CNTNAP5: variants seen among roughly 807,000 people sequenced by gnomAD.
CNTNAP5 encodes contactin associated protein family member 5.
Under a neutral mutation model 150.2 loss-of-function variants are expected in CNTNAP5, and 72 were observed. That is an observed-to-expected ratio of 0.48 (90% CI 0.40 to 0.58). CNTNAP5 has a LOEUF of 0.58. Ranked by LOEUF, CNTNAP5 falls within the 20% of genes least tolerant of loss-of-function variation. The pLI is 0.00. For synonymous variants in CNTNAP5, 672 were observed against 619.8 expected, an observed-to-expected ratio of 1.08 and a Z score of -1.25; for missense variants, 1,636 against 1,626.2, an observed-to-expected ratio of 1.01 and a Z score of -0.10.
intron 12 of CNTNAP5, among the ~76,000 whole-genome samples, chr2:124,617,697 T>A (rs1264291711): frequency 6.6e-6 from 1 of 152,152 alleles, no homozygotes; most frequent in African/African-American, 2.4e-5. Context: ...CAATATATTA[T>A]CTTTCTGGTG....
At chr2:124,191,731 A>T (rs1364534288) in intron 1 of CNTNAP5, among the ~76,000 whole-genome samples, 1 of 152,080 alleles carries the variant, frequency 6.6e-6, no homozygotes, top group Admixed American at 6.5e-5. Flanking sequence ...CCTGACCAAC[A>T]TGGTGAAACC....
intron 19 of CNTNAP5, among the ~76,000 whole-genome samples, chr2:124,838,231 TA>T (rs1490641832): frequency 6.6e-6 from 1 of 152,166 alleles, no homozygotes; most frequent in Non-Finnish European, 1.5e-5. Context: ...TTTAATGAAG[TA>T]GAAGTAGATA....
In CNTNAP5 at chr2:124,303,710, C is replaced by A. The variant is rs115502289; in HGVS notation, c.381+61317C>A. Among the ~76,000 whole-genome samples the A allele has an allele frequency of 2.9e-3, 437 of 152,280 alleles. 4 individuals carry two copies. The highest frequency in any genetic ancestry group is 0.01 in the African/African-American group (417 of 41,568). ...ACATGATGAGGCATGACCTAACTCA[C>A]CTTCTGAATCATAATCATCATAATA... On this transcript the variant is annotated intron_variant, in intron 3 of 23. Transcript: ENST00000682447.
At chr2:124,618,361 GAT>G (rs1368661643) in intron 12 of CNTNAP5, among the ~76,000 whole-genome samples, 3 of 152,242 alleles carry the variant, frequency 2.0e-5, no homozygotes, top group Non-Finnish European at 4.4e-5. Context: ...GAGGACAGTG[GAT>G]CTCTCGTATG....
At chr2:124,592,767 T>C (rs1210386839) in intron 11 of CNTNAP5, among the ~76,000 whole-genome samples, 1 of 152,006 alleles carries the variant, frequency 6.6e-6, no homozygotes, top group Non-Finnish European at 1.5e-5. Flanking sequence ...TTTCTATGAG[T>C]CTCCACTCAT....
At chr2:124,545,816 G>A (rs1695499187) in intron 10 of CNTNAP5, among the ~76,000 whole-genome samples, 1 of 152,166 alleles carries the variant, frequency 6.6e-6, no homozygotes, top group African/African-American at 2.4e-5. Context: ...CTCAAGCCAA[G>A]TACAGTAGCA....
At chr2:124,413,905 A>AT (rs1001992732) in intron 3 of CNTNAP5, among the ~76,000 whole-genome samples, 3 of 151,032 alleles carry the variant, frequency 2.0e-5, no homozygotes. Context: ...AAATAAATTA[A>AT]AAAAAAAGAA....
intron 19 of CNTNAP5, 55 bp downstream of exon 19, chr2:124,798,375 T>C: frequency 1.6e-6 from 2 of 1,256,726 alleles, no homozygotes; most frequent in South Asian, 1.2e-5. Flanking sequence ...GGAGGGACGG[T>C]GCATGCCCTC....
At chr2:124,443,294 A>T (rs191627479) in intron 5 of CNTNAP5, among the ~76,000 whole-genome samples, 29 of 149,752 alleles carry the variant, frequency 1.9e-4, no homozygotes, top group East Asian at 1.2e-3. Context: ...TGTTATATTT[A>T]TATATGTATA....
At chr2:124,174,048 A>T (rs1263150428) in intron 1 of CNTNAP5, among the ~76,000 whole-genome samples, 2 of 151,496 alleles carry the variant, frequency 1.3e-5, no homozygotes, top group Non-Finnish European at 2.9e-5. Context: ...GAATGGCAGC[A>T]CATCTATCTA....
intron 1 of CNTNAP5, among the ~76,000 whole-genome samples, chr2:124,051,092 T>A (rs530624029): frequency 6.6e-6 from 1 of 152,286 alleles, no homozygotes; most frequent in South Asian, 2.1e-4. Flanking sequence ...TCAGAGATAA[T>A]GACATGTGAC....
At chr2:124,797,754 A>G (rs1681877618) in intron 18 of CNTNAP5, among the ~76,000 whole-genome samples, 1 of 152,196 alleles carries the variant, frequency 6.6e-6, no homozygotes, top group Admixed American at 6.5e-5. Flanking sequence ...AGGCAGAGAC[A>G]TGTTATCTTT....
intron 1 of CNTNAP5, among the ~76,000 whole-genome samples, chr2:124,150,603 T>C (rs1332148183): frequency 3.3e-5 from 5 of 152,090 alleles, no homozygotes; most frequent in Non-Finnish European, 7.3e-5. Context: ...CATTTCCTGG[T>C]TTGCAGATGA....
intron 5 of CNTNAP5, among the ~76,000 whole-genome samples, chr2:124,441,502 T>G (rs1159660975): frequency 6.6e-6 from 1 of 152,126 alleles, no homozygotes; most frequent in Non-Finnish European, 1.5e-5. Flanking sequence ...TGCTCATGTA[T>G]ATTTTAAATC....
chr2:124,119,599 T>C (rs1291874370), intron 1 of CNTNAP5, among the ~76,000 whole-genome samples: 1 of 152,106 alleles, frequency 6.6e-6, no homozygotes, highest in Non-Finnish European at 1.5e-5. Flanking sequence ...TCATGTTATG[T>C]ACAAAAATAA....
At chr2:124,744,205 T>C (rs898244965) in intron 13 of CNTNAP5, among the ~76,000 whole-genome samples, 3 of 152,138 alleles carry the variant, frequency 2.0e-5, no homozygotes, top group African/African-American at 7.2e-5. Context: ...CCCCATTCTG[T>C]TCTCGTGGTA....
At chr2:124,700,157 T>C (rs1028538743) in intron 13 of CNTNAP5, among the ~76,000 whole-genome samples, 2 of 152,194 alleles carry the variant, frequency 1.3e-5, no homozygotes, top group Admixed American at 1.3e-4. Flanking sequence ...TAATAGAATG[T>C]TTTCATGATT....
chr2:124,608,214 T>G (rs1047702034), intron 11 of CNTNAP5, among the ~76,000 whole-genome samples: 1 of 152,132 alleles, frequency 6.6e-6, no homozygotes, highest in African/African-American at 2.4e-5. Context: ...CTGAAATGTT[T>G]AAAGCATCAT....
At chr2:124,692,058 T>G (rs1476509945) in intron 13 of CNTNAP5, among the ~76,000 whole-genome samples, 1 of 152,108 alleles carries the variant, frequency 6.6e-6, no homozygotes. Context: ...TATTGGATGA[T>G]AAGAGACCAC....
Sources: allele counts gnomAD v4.1 joint callset (sites outside exome capture counted in the v4.1 genomes callset), GRCh38; gene constraint gnomAD v4.1.1; transcripts MANE v1.5; gene names NCBI Gene and HGNC (gene_info 2026-07-23, HGNC 2026-07-21).